The following PDE6A variants were observed in gnomAD, a reference collection of about 807,000 sequenced individuals.
PDE6A encodes the protein phosphodiesterase 6A, also known as rod cGMP-specific 3',5'-cyclic phosphodiesterase subunit alpha.
Under a neutral mutation model 106.3 loss-of-function variants are expected in PDE6A, and 84 were observed. The ratio of observed to expected loss-of-function variants is 0.79; its 90% CI spans 0.66 to 0.95. PDE6A has a LOEUF of 0.95. Ranked by LOEUF, PDE6A falls within the 40% of genes least tolerant of loss-of-function variation. The pLI is 0.00. For synonymous variants in PDE6A, 394 were observed against 386.6 expected (o/e 1.02, Z -0.23); for missense variants, 1,052 against 1,084.9 (o/e 0.97, Z 0.43).
intron 1 of PDE6A, among the ~76,000 whole-genome samples, chr5:149,940,658 C>A (rs1754305000): frequency 6.6e-6 from 1 of 152,082 alleles, no homozygotes; most frequent in Non-Finnish European, 1.5e-5. Context: ...CCCCCAGGCC[C>A]AGCTAATTTT....
chr5:149,941,143 C>T (rs1305834996), intron 1 of PDE6A, among the ~76,000 whole-genome samples: 1 of 152,150 alleles, frequency 6.6e-6, no homozygotes, highest in Admixed American at 6.5e-5. Flanking sequence ...TGCATAATTA[C>T]TTGATTGTGA....
Position 149,917,063 on chromosome 5 carries a change from T to G in PDE6A, c.934-2056A>C, listed in dbSNP as rs76376327. ...AAAGGGGATATCTTTTTTTTTTTTTTTGTGACGGAGTCTTGCTCTGTCGCC... is the reference window on the plus strand; with the variant it reads ...AAAGGGGATATCTTTTTTTTTTTTTGTGTGACGGAGTCTTGCTCTGTCGCC... On this transcript the variant is annotated intron_variant, in intron 5 of 21. Transcript: ENST00000255266. Among the ~76,000 whole-genome samples, 7 of 152,076 alleles carry G rather than the reference T, an allele frequency of 4.6e-5. No homozygotes were observed. In the East Asian group the frequency reaches 5.8e-4, roughly 13 times the overall value.
intron 13 of PDE6A, among the ~76,000 whole-genome samples, chr5:149,894,151 T>C (rs1752645414): frequency 1.3e-5 from 2 of 152,160 alleles, no homozygotes; most frequent in African/African-American, 4.8e-5. Context: ...GATGAGAAGA[T>C]TCATGGAAAC....
intron 1 of PDE6A, among the ~76,000 whole-genome samples, chr5:149,936,598 C>G (rs910485535): frequency 2.0e-5 from 3 of 152,166 alleles, no homozygotes; most frequent in African/African-American, 7.2e-5. Flanking sequence ...ACTGGGTACT[C>G]AGTCCTGGAA....
intron 21 of PDE6A, among the ~76,000 whole-genome samples, chr5:149,862,025 C>G (rs1160280521): frequency 6.6e-6 from 1 of 152,198 alleles, no homozygotes; most frequent in Non-Finnish European, 1.5e-5. Context: ...ACATTTGCAG[C>G]TGCCCATTTA....
At chr5:149,930,525 A>T (rs1269184523) in intron 4 of PDE6A, among the ~76,000 whole-genome samples, 1 of 152,252 alleles carries the variant, frequency 6.6e-6, no homozygotes, top group East Asian at 1.9e-4. Context: ...TGGGAGCGAC[A>T]TCGAACTCTG....
chr5:149,936,202 G>GAAGGAAGT (rs1754180092), intron 1 of PDE6A, among the ~76,000 whole-genome samples: 1 of 150,746 alleles, frequency 6.6e-6, no homozygotes, highest in Non-Finnish European at 1.5e-5. Context: ...AGGAAGGAAG[G>GAAGGAAGT]AATTCAGAGC....
chr5:149,915,707 T>C (rs1384840213), intron 5 of PDE6A, among the ~76,000 whole-genome samples: 2 of 152,216 alleles, frequency 1.3e-5, no homozygotes, highest in Non-Finnish European at 2.9e-5. Flanking sequence ...ATTTTTGTCA[T>C]ACCCAAATAA....
In PDE6A at chr5:149,903,738, G is replaced by T. The variant is rs115655551; in HGVS notation, c.1066-43C>A. On this transcript the variant is annotated intron_variant, in intron 7 of 21. Coordinates refer to ENST00000255266, the MANE Select transcript of PDE6A (RefSeq NM_000440.3). ...GAATAATGAAGGTGTGATTAGGCCT[G>T]AGAGGGTGCCCAGTGAAGCACTGTA... 78 of 1,503,296 alleles carry T rather than the reference G, an allele frequency of 5.2e-5. 1 individual carries two copies. The highest frequency in any genetic ancestry group is 6.5e-6 in the Non-Finnish European group (7 of 1,078,736). 93.1% of individuals were successfully genotyped at this position (1,503,296 alleles called of 1,614,324 possible).
chr5:149,933,789 C>CACT (rs1554092508), intron 3 of PDE6A, 141 bp downstream of exon 3: 1 of 689,914 alleles, frequency 1.4e-6, no homozygotes, highest in African/African-American at 1.8e-5. Flanking sequence ...TACAGACAAC[C>CACT]ACTACCTCAT....
Position 149,921,657 on chromosome 5 carries a change from C to A in PDE6A, c.911G>T (p.Gly304Val), listed in dbSNP as rs748290362. The A allele has an allele frequency of 6.2e-7, 1 of 1,613,668 alleles. No individual in the cohort carries two copies. The highest frequency in any genetic ancestry group is 1.3e-5 in the African/African-American group (1 of 74,972). Residue 304 changes from glycine (G) to valine (V), a missense_variant, in exon 5 of 22, where the codon GGT becomes GTT. Physicochemically the swap from Gly to Val is moderately radical, Grantham distance 109 (BLOSUM62 -3). Transcript: ENST00000255266. ...TACTCTTCCATCCGGAGTCCTGGGA[C>A]CAGAGTAAGGTGGAACTTCACCCAT... ...VLMGEVPPYSGPRTPDGREIN... is the reference protein window; with the variant it reads ...VLMGEVPPYSVPRTPDGREIN...
At chr5:149,884,270 G>GTGTA (rs1761045249) in intron 16 of PDE6A, among the ~76,000 whole-genome samples, 1 of 131,702 alleles carries the variant, frequency 7.6e-6, no homozygotes, top group African/African-American at 3.0e-5. Flanking sequence ...GTATATATAT[G>GTGTA]TATATATGTG....
intron 8 of PDE6A, 149 bp downstream of exon 8, chr5:149,903,499 T>C (rs777356369): frequency 3.3e-5 from 23 of 696,700 alleles, no homozygotes; most frequent in Non-Finnish European, 4.9e-5. Context: ...TCTGTCCCCA[T>C]TTCCATTGGT....
chr5:149,902,753 C>T (rs531519912), intron 8 of PDE6A, among the ~76,000 whole-genome samples: 104 of 150,306 alleles, frequency 6.9e-4, no homozygotes, highest in African/African-American at 2.5e-3. Flanking sequence ...ACCTGGGAGG[C>T]GGAGCTTGCA....
chr5:149,931,178 C>G lies in PDE6A; in HGVS notation c.718-10G>C. 1.2e-6 allele frequency: 2 copies of G among 1,612,902 alleles called. No individual in the cohort carries two copies. The highest frequency in any genetic ancestry group is 2.7e-5 in the African/African-American group (2 of 75,030). On this transcript the variant is annotated splice_polypyrimidine_tract_variant and intron_variant, in intron 3 of 21. Coordinates refer to ENST00000255266, the MANE Select transcript of PDE6A (RefSeq NM_000440.3). ...CAGACCACAGCAGTATCTGAAAAAA[C>G]ACAAAAACATATTCATAGGTTTTGA...
chr5:149,915,035 T>G, intron 5 of PDE6A, 28 bp from the exon 6 acceptor site: 1 of 377,056 alleles, frequency 2.7e-6, no homozygotes, highest in Non-Finnish European at 3.8e-6. Flanking sequence ...AATTATACTT[T>G]TTTTTTTTTT....
intron 17 of PDE6A, among the ~76,000 whole-genome samples, chr5:149,877,699 G>A (rs922531796): frequency 2.0e-5 from 3 of 152,138 alleles, no homozygotes; most frequent in South Asian, 2.1e-4. Context: ...CATGGCCACC[G>A]GGCCCAGCCC....
At chr5:149,882,980 C>T (rs930314351) in intron 17 of PDE6A, among the ~76,000 whole-genome samples, 1 of 152,128 alleles carries the variant, frequency 6.6e-6, no homozygotes, top group Admixed American at 6.5e-5. Flanking sequence ...ATTGCTTGAA[C>T]CTGGGAGGCG....
At chr5:149,910,994 C>T (rs1489461995) in intron 6 of PDE6A, among the ~76,000 whole-genome samples, 1 of 148,356 alleles carries the variant, frequency 6.7e-6, no homozygotes, top group African/African-American at 2.5e-5. Context: ...ATCCTCCTGC[C>T]TCAGCCTCCT....
Sources: gnomAD v4.1 joint callset for allele counts (sites outside exome capture counted in the v4.1 genomes callset) on GRCh38, gnomAD v4.1.1 for gene constraint, MANE v1.5 for transcripts, NCBI Gene and HGNC (gene_info 2026-07-23, HGNC 2026-07-21) for gene names.